The following NIBAN2 variants were observed in gnomAD, a reference collection of about 807,000 sequenced individuals.
The protein encoded by NIBAN2 is niban apoptosis regulator 2, also known as protein Niban 2.
NIBAN2 carries 36 observed loss-of-function variants against 81.8 expected under a neutral mutation model. That is an observed-to-expected ratio of 0.44 (90% CI 0.34 to 0.58). The LOEUF (loss-of-function observed/expected upper bound fraction) is 0.58, where lower values mean the gene tolerates loss of function less well. NIBAN2 is among the 20% of genes least tolerant of loss of function. NIBAN2 has a pLI of 0.02. For missense variants in NIBAN2, 897 were observed against 1,014.1 expected (o/e 0.88, Z 1.57); for synonymous variants, 445 against 441.6 (o/e 1.01, Z -0.10).
rs559478733 is a variant in NIBAN2, at chr9:127,528,876, G to A, written c.187-1554C>T. 3.9e-4 allele frequency among the ~76,000 whole-genome samples: 59 copies of A among 152,300 alleles called. 1 individual carries two copies. The highest frequency in any genetic ancestry group is 1.2e-3 in the African/African-American group (51 of 41,566). ...CATCCCTGCTTAGGGCAGGAGCCCCGGGACACAAGGACGGGCACTCCGGGA... is the reference window on the plus strand; with the variant it reads ...CATCCCTGCTTAGGGCAGGAGCCCCAGGACACAAGGACGGGCACTCCGGGA... On this transcript the variant is annotated intron_variant, in intron 2 of 13. Transcript: ENST00000373312.
At chr9:127,551,857 T>C (rs1209606553) in intron 1 of NIBAN2, among the ~76,000 whole-genome samples, 1 of 152,248 alleles carries the variant, frequency 6.6e-6, no homozygotes, top group African/African-American at 2.4e-5. Context: ...CTGTCTACTC[T>C]GGGCCTCTGC....
upstream of NIBAN2, among the ~76,000 whole-genome samples, chr9:127,571,906 G>C (rs1837950977): frequency 6.6e-6 from 1 of 152,106 alleles, no homozygotes; most frequent in African/African-American, 2.4e-5. Flanking sequence ...GAACTTTAGG[G>C]GGATAAAAAT....
At chr9:127,561,743 T>C (rs1343440972) in intron 1 of NIBAN2, among the ~76,000 whole-genome samples, 2 of 152,266 alleles carry the variant, frequency 1.3e-5, no homozygotes, top group African/African-American at 4.8e-5. Context: ...GGACACTTCC[T>C]GTTCTTCCAG....
In NIBAN2 at chr9:127,523,832, A is replaced by G. The variant is rs1564301870; in HGVS notation, c.436T>C (p.Ser146Pro). The G allele has an allele frequency of 6.2e-7, 1 of 1,611,672 alleles. No homozygotes were observed. The highest frequency in any genetic ancestry group is 2.2e-5 in the East Asian group (1 of 44,816). The stretch of plus-strand genomic sequence containing the variant: ...CACTTGAGGATGGGGGCACTGCCCG[A>G]CTTTGCCGTGGTCCCTGTGGAGACA... ...GNSLPGTTAK[S>P]GSAPILKCPT... Residue 146 changes from serine to proline, a missense_variant, in exon 5 of 14, where the codon TCG (serine) becomes CCG (proline). Around this residue, in one of 3 missense-constraint regions of NIBAN2, gnomAD observed 209 missense variants for 208.4 expected, o/e 1.00. Coordinates refer to ENST00000373312, the MANE Select transcript of NIBAN2 (RefSeq NM_022833.4).
intron 1 of NIBAN2, among the ~76,000 whole-genome samples, chr9:127,549,169 A>G (rs79627351): frequency 0.025 from 3,863 of 152,256 alleles, 174 homozygotes; most frequent in African/African-American, 0.088. Context: ...CCCAACCCCA[A>G]TGGAAAAGGA....
Position 127,521,157 on chromosome 9 carries a change from C to T in NIBAN2, c.589+2522G>A, listed in dbSNP as rs567654910. Among the ~76,000 whole-genome samples the T allele has an allele frequency of 3.9e-5, 6 of 152,306 alleles. No homozygotes were observed. In the East Asian group the frequency reaches 1.2e-3, roughly 29 times the overall value. On this transcript the variant is annotated intron_variant, in intron 5 of 13. Coordinates refer to ENST00000373312, the MANE Select transcript of NIBAN2 (RefSeq NM_022833.4). Reference sequence around the variant, plus strand: ...TGGGAAACTGAGGCCCCAGCCCTGGCTGAGGCTGCACACACATCAGCTCGT... The same window carrying T: ...TGGGAAACTGAGGCCCCAGCCCTGGTTGAGGCTGCACACACATCAGCTCGT...
intron 4 of NIBAN2, among the ~76,000 whole-genome samples, chr9:127,524,103 A>G (rs111605572): frequency 2.1e-3 from 313 of 152,050 alleles, no homozygotes; most frequent in African/African-American, 7.2e-3. Flanking sequence ...CATCCACCCC[A>G]CTCTTGGGTT....
chr9:127,508,919 G>C lies in NIBAN2; in HGVS notation c.1317+57C>G. The C allele has an allele frequency of 2.5e-6, 4 of 1,594,726 alleles. No individual in the cohort carries two copies. In the South Asian group the frequency reaches 4.4e-5, roughly 18 times the overall value. ...AGCAGAAGGGACCCCCTGGGCGAGGGGGCCTGTGGAAGGCAGTGGACAGGG... is the reference window on the plus strand; with the variant it reads ...AGCAGAAGGGACCCCCTGGGCGAGGCGGCCTGTGGAAGGCAGTGGACAGGG... On this transcript the variant is annotated intron_variant, in intron 10 of 13. Transcript: ENST00000373312. This position sits in a 1 kb window ranked among gnomAD's most constrained non-coding sequence, Gnocchi z 6.4.
upstream of NIBAN2, among the ~76,000 whole-genome samples, chr9:127,573,597 CT>C (rs1259250377): frequency 6.6e-6 from 1 of 152,066 alleles, no homozygotes; most frequent in Non-Finnish European, 1.5e-5. Flanking sequence ...CCCCTTGTTA[CT>C]TTTGAGTAAA....
intron 1 of NIBAN2, among the ~76,000 whole-genome samples, chr9:127,557,287 CACATGGTTAGTA>C (rs1837688427): frequency 6.6e-6 from 1 of 152,144 alleles, no homozygotes; most frequent in Non-Finnish European, 1.5e-5. Context: ...AGGAGGGTGA[CACATGGTTAGTA>C]GCAAGGTCAC....
chr9:127,555,219 G>A (rs1430661793), intron 1 of NIBAN2, among the ~76,000 whole-genome samples: 8 of 152,156 alleles, frequency 5.3e-5, no homozygotes, highest in African/African-American at 1.7e-4. Flanking sequence ...CATTCTAGAT[G>A]TGAAATGTTG....
At chr9:127,557,939 G>C (rs1030692872) in intron 1 of NIBAN2, among the ~76,000 whole-genome samples, 6 of 152,136 alleles carry the variant, frequency 3.9e-5, no homozygotes, top group Non-Finnish European at 7.4e-5. Flanking sequence ...GACGCCCCTT[G>C]ACCAAGGTCA....
intron 1 of NIBAN2, chr9:127,578,839 A>G: frequency 3.7e-6 from 5 of 1,361,232 alleles, no homozygotes; most frequent in Non-Finnish European, 5.2e-6. Context: ...CCTGAGTGAC[A>G]GAGCAAAACC....
intron 1 of NIBAN2, among the ~76,000 whole-genome samples, chr9:127,538,870 G>C (rs933933972): frequency 2.0e-5 from 3 of 150,148 alleles, no homozygotes; most frequent in African/African-American, 7.4e-5. Flanking sequence ...GCTTGAACCT[G>C]GGAGATGGAG....
In NIBAN2 at chr9:127,508,331, G is replaced by T; in HGVS notation, c.1434+91C>A. 7.4e-7 allele frequency: 1 copy of T among 1,355,872 alleles called. No individual in the cohort carries two copies. Among genetic ancestry groups the T allele is most frequent in the Non-Finnish European group, 1.0e-6 (1 of 957,044 alleles). 84.0% of individuals were successfully genotyped at this position (1,355,872 alleles called of 1,614,324 possible). On this transcript the variant is annotated intron_variant, in intron 11 of 13. Coordinates refer to ENST00000373312, the MANE Select transcript of NIBAN2 (RefSeq NM_022833.4). The surrounding 1 kb of genome is among the most constrained non-coding windows in gnomAD (Gnocchi z 6.4). Reference sequence around the variant, plus strand: ...CACAAGAGGACCATGGCGCCTCCTTGCAGGGACAGCAATCCTGGTGGTGGC... The same window carrying T: ...CACAAGAGGACCATGGCGCCTCCTTTCAGGGACAGCAATCCTGGTGGTGGC...
chr9:127,512,533 C>T (rs574443682), intron 8 of NIBAN2, among the ~76,000 whole-genome samples: 10 of 152,110 alleles, frequency 6.6e-5, no homozygotes, highest in African/African-American at 9.7e-5. Flanking sequence ...GTGATCCACC[C>T]GCCTCGGCCT....
At chr9:127,514,620 T>C (rs1836792193) in intron 8 of NIBAN2, among the ~76,000 whole-genome samples, 1 of 152,238 alleles carries the variant, frequency 6.6e-6, no homozygotes, top group Non-Finnish European at 1.5e-5. Context: ...ATGAGCCTCT[T>C]GGTTTTACAA....
At chr9:127,570,982 A>G (rs531778174), upstream of NIBAN2, among the ~76,000 whole-genome samples, 1 of 152,252 alleles carries the variant, frequency 6.6e-6, no homozygotes, top group African/African-American at 2.4e-5. Flanking sequence ...GAGCAACCAG[A>G]AGCAAGTGAT....
chr9:127,565,531 G>A (rs1837842933), intron 1 of NIBAN2, among the ~76,000 whole-genome samples: 2 of 151,964 alleles, frequency 1.3e-5, no homozygotes, highest in South Asian at 2.1e-4. Context: ...GGTGGCTCAC[G>A]CCTATAATCT....
Sources: gnomAD v4.1 joint callset for allele counts (sites outside exome capture counted in the v4.1 genomes callset) on GRCh38, gnomAD v4.1.1 for gene constraint, gnomAD v4.1.1 regional missense constraint, Gnocchi (gnomAD v3.1) non-coding constraint, MANE v1.5 for transcripts, NCBI Gene and HGNC (gene_info 2026-07-23, HGNC 2026-07-21) for gene names.